Variants in DLG2 observed in about 807,000 individuals in gnomAD.
DLG2 encodes disks large homolog 2.
Under a neutral mutation model 132.5 loss-of-function variants are expected in DLG2, and 45 were observed. The observed-to-expected ratio is 0.34, with a 90% CI of 0.27 to 0.44. The LOEUF (loss-of-function observed/expected upper bound fraction) is 0.44, where lower values mean the gene tolerates loss of function less well. DLG2 is among the 20% of genes least tolerant of loss of function. DLG2 has a pLI of 1.00. For synonymous variants in DLG2, 424 were observed against 419.6 expected (o/e 1.01, Z -0.13); for missense variants, 1,045 against 1,196.9 (o/e 0.87, Z 1.87).
chr11:85,254,530 T>C (rs1379703311), intron 4 of DLG2, among the ~76,000 whole-genome samples: 3 of 152,182 alleles, frequency 2.0e-5, no homozygotes, highest in Non-Finnish European at 4.4e-5. Flanking sequence ...CATGTATTTA[T>C]TTCTTTGTTA....
chr11:85,238,505 A>G (rs944593939), intron 4 of DLG2, among the ~76,000 whole-genome samples: 2 of 151,968 alleles, frequency 1.3e-5, no homozygotes, highest in African/African-American at 4.8e-5. Context: ...CTGCCTCCCA[A>G]AGTGCTGGGA....
At chr11:85,126,067 GA>G (rs895527081) in intron 5 of DLG2, among the ~76,000 whole-genome samples, 4 of 151,042 alleles carry the variant, frequency 2.6e-5, no homozygotes, top group Admixed American at 6.6e-5. Flanking sequence ...TGGTCATCTA[GA>G]AAAAAAAATA....
chr11:85,291,585 C>T (rs78456743), intron 3 of DLG2, among the ~76,000 whole-genome samples: 16 of 138,774 alleles, frequency 1.2e-4, no homozygotes, highest in East Asian at 2.1e-4. Flanking sequence ...GGATTCTCTT[C>T]TTTTTTTTTT....
intron 7 of DLG2, among the ~76,000 whole-genome samples, chr11:84,374,985 C>T (rs1567454843): frequency 6.6e-6 from 1 of 152,122 alleles, no homozygotes; most frequent in East Asian, 1.9e-4. Flanking sequence ...GTGCTTGAGT[C>T]TCAGATTTTA....
At chr11:85,546,950 C>T (rs1392425563) in intron 3 of DLG2, among the ~76,000 whole-genome samples, 2 of 149,640 alleles carry the variant, frequency 1.3e-5, no homozygotes, top group African/African-American at 2.5e-5. Flanking sequence ...GGTCTTGACT[C>T]TTATCCAATT....
intron 16 of DLG2, among the ~76,000 whole-genome samples, chr11:83,839,584 T>A (rs1285665951): frequency 6.6e-6 from 1 of 152,206 alleles, no homozygotes; most frequent in Non-Finnish European, 1.5e-5. Flanking sequence ...AAGTTAAGTG[T>A]TTCATCCATT....
At chr11:84,037,861 A>G (rs915126390) in intron 11 of DLG2, among the ~76,000 whole-genome samples, 1 of 152,002 alleles carries the variant, frequency 6.6e-6, no homozygotes, top group Admixed American at 6.6e-5. Context: ...GGTACATAGT[A>G]TTTTTATTTG....
At chr11:84,025,023 G>A (rs571209691) in intron 11 of DLG2, among the ~76,000 whole-genome samples, 1 of 151,970 alleles carries the variant, frequency 6.6e-6, no homozygotes, top group African/African-American at 2.4e-5. Flanking sequence ...ACAATTATAA[G>A]TTGTCAGTTG....
chr11:85,600,168 C>T (rs956817863), intron 2 of DLG2, among the ~76,000 whole-genome samples: 1 of 152,104 alleles, frequency 6.6e-6, no homozygotes, highest in African/African-American at 2.4e-5. Flanking sequence ...GTCTGCCTTC[C>T]CTTATATTAC....
Position 83,786,787 on chromosome 11 carries a change from A to G in DLG2, c.1728T>C (p.Asn576=). Residue 576 remains asparagine, a synonymous_variant, in exon 18 of 28, where the codon AAT becomes AAC. Coordinates refer to ENST00000376104, the MANE Select transcript of DLG2 (RefSeq NM_001142699.3). Reference sequence around the variant, plus strand: ...GGGATGCACCACGGAGGTCAATGCCATTCACCTGAAAGAGAGGAAGCCAGA... The same window carrying G: ...GGGATGCACCACGGAGGTCAATGCCGTTCACCTGAAAGAGAGGAAGCCAGA... ...LQRGDQILSV[N]GIDLRGASHE... is the part of the protein sequence containing the mutation. The G allele has an allele frequency of 1.9e-6, 3 of 1,613,954 alleles. No individual in the cohort carries two copies. The highest frequency in any genetic ancestry group is 2.5e-6 in the Non-Finnish European group (3 of 1,179,874).
intron 7 of DLG2, among the ~76,000 whole-genome samples, chr11:84,372,347 A>G (rs1342648319): frequency 6.6e-6 from 1 of 152,180 alleles, no homozygotes; most frequent in African/African-American, 2.4e-5. Context: ...ACAAAGAAAG[A>G]CTTAAATTGG....
At chr11:85,520,761 G>T (rs2074246399) in intron 3 of DLG2, among the ~76,000 whole-genome samples, 1 of 152,090 alleles carries the variant, frequency 6.6e-6, no homozygotes, top group African/African-American at 2.4e-5. Context: ...ATACACTGAA[G>T]AAAGGATAGT....
chr11:84,527,761 C>A (rs935856350), intron 7 of DLG2, among the ~76,000 whole-genome samples: 1 of 151,972 alleles, frequency 6.6e-6, no homozygotes, highest in Admixed American at 6.6e-5. Context: ...CTGCAAGATG[C>A]CATTGATCTT....
intron 4 of DLG2, among the ~76,000 whole-genome samples, chr11:85,262,593 A>C (rs2076999882): frequency 6.6e-6 from 1 of 152,216 alleles, no homozygotes; most frequent in Non-Finnish European, 1.5e-5. Context: ...AAATTTACTA[A>C]GGCTCTAGAA....
At chr11:84,028,810 T>C (rs1244637461) in intron 11 of DLG2, among the ~76,000 whole-genome samples, 1 of 152,076 alleles carries the variant, frequency 6.6e-6, no homozygotes, top group African/African-American at 2.4e-5. Flanking sequence ...CTCTCCTTCT[T>C]TTATGTCTCT....
chr11:85,250,058 A>G (rs912646352), intron 4 of DLG2, among the ~76,000 whole-genome samples: 13 of 152,194 alleles, frequency 8.5e-5, no homozygotes, highest in African/African-American at 3.1e-4. Flanking sequence ...GCTAAACAGA[A>G]ATTTTTACAG....
intron 22 of DLG2, among the ~76,000 whole-genome samples, chr11:83,479,951 A>G (rs941861751): frequency 2.0e-5 from 3 of 152,106 alleles, no homozygotes; most frequent in African/African-American, 7.2e-5. Flanking sequence ...TGCTTTTCCT[A>G]TAAAGGGGAG....
rs77257244 is a variant in DLG2, at chr11:84,631,824, T to G, written c.358-97093A>C. On this transcript the variant is annotated intron_variant, in intron 6 of 27. Coordinates refer to ENST00000376104, the MANE Select transcript of DLG2 (RefSeq NM_001142699.3). ...AAATGATGGATTTAGGAGACAGACC[T>G]AGGCACAAATTTTGGTTCTGCCTCT... Among the ~76,000 whole-genome samples, 48 of 152,330 alleles carry G rather than the reference T, an allele frequency of 3.2e-4. No homozygotes were observed. In the East Asian group the frequency reaches 8.3e-3, roughly 26 times the overall value.
chr11:85,525,373 T>A (rs1179681951), intron 3 of DLG2, among the ~76,000 whole-genome samples: 3 of 152,142 alleles, frequency 2.0e-5, no homozygotes, highest in African/African-American at 7.2e-5. Context: ...GAAACTAAGG[T>A]TTTCATTATC....
Sources: gnomAD v4.1 joint callset for allele counts (sites outside exome capture counted in the v4.1 genomes callset) on GRCh38, gnomAD v4.1.1 for gene constraint, MANE v1.5 for transcripts, NCBI Gene and HGNC (gene_info 2026-07-23, HGNC 2026-07-21) for gene names.